NRG3: variants seen among roughly 807,000 people sequenced by gnomAD.
NRG3 encodes the protein pro-neuregulin-3, membrane-bound isoform.
Under a neutral mutation model 66.9 loss-of-function variants are expected in NRG3, and 31 were observed. The ratio of observed to expected loss-of-function variants is 0.46; its 90% confidence interval spans 0.35 to 0.63. The LOEUF (loss-of-function observed/expected upper bound fraction) is 0.63, where lower values mean the gene tolerates loss of function less well. Ranked by LOEUF, NRG3 falls within the 20% of genes least tolerant of loss-of-function variation. The pLI, the probability that NRG3 is intolerant of heterozygous loss-of-function variation, is 0.00. For missense variants in NRG3, 910 were observed against 878.9 expected (o/e 1.04, Z -0.45); for synonymous variants, 393 against 359.4 (o/e 1.09, Z -1.06).
chr10:81,899,429 C>T (rs549638190), intron 1 of NRG3, among the ~76,000 whole-genome samples: 6 of 152,332 alleles, frequency 3.9e-5, no homozygotes, highest in Non-Finnish European at 8.8e-5. Context: ...AAACCGGCAT[C>T]CCAGCAGGAT....
intron 7 of NRG3, among the ~76,000 whole-genome samples, chr10:82,975,453 AC>A (rs918053052): frequency 6.6e-6 from 1 of 152,128 alleles, no homozygotes; most frequent in African/African-American, 2.4e-5. Context: ...TCCCTCCTAA[AC>A]TTGGCTTCTC....
At chr10:82,914,798 G>C (rs946133738) in intron 4 of NRG3, among the ~76,000 whole-genome samples, 5 of 151,350 alleles carry the variant, frequency 3.3e-5, no homozygotes, top group African/African-American at 1.2e-4. Context: ...ACAAGCTAGA[G>C]AGGTTTCAAA....
At chr10:81,931,076 C>T (rs916196090) in intron 1 of NRG3, among the ~76,000 whole-genome samples, 7 of 152,104 alleles carry the variant, frequency 4.6e-5, no homozygotes, top group South Asian at 2.1e-4. Flanking sequence ...ATTCACCAAG[C>T]GGGAAGTTTC....
intron 2 of NRG3, among the ~76,000 whole-genome samples, chr10:82,669,964 T>G (rs2053133261): frequency 6.6e-6 from 1 of 151,680 alleles, no homozygotes; most frequent in Admixed American, 6.6e-5. Flanking sequence ...CTGCAACATG[T>G]GGCATCCTCC....
At chr10:82,536,209 A>G (rs937295300) in intron 2 of NRG3, among the ~76,000 whole-genome samples, 1 of 152,194 alleles carries the variant, frequency 6.6e-6, no homozygotes, top group East Asian at 1.9e-4. Flanking sequence ...CACTATTTTC[A>G]TGAAGTCTGG....
At position 82,132,468 on chromosome 10, in the gene NRG3, G is replaced by GATATATATGAT. The variant is rs1564593186; in HGVS notation, c.824-226263_824-226262insGATATATATAT. Among the ~76,000 whole-genome samples the GATATATATGAT allele has an allele frequency of 1.3e-4, 15 of 119,898 alleles. 1 individual carries two copies. In the East Asian group the frequency reaches 3.3e-3, roughly 26 times the overall value. 78.7% of individuals were successfully genotyped at this position (119,898 alleles called of 152,430 possible). On this transcript the variant is annotated intron_variant, in intron 1 of 8. Coordinates refer to ENST00000372141, the MANE Select transcript of NRG3 (RefSeq NM_001010848.4). ...TCTTTTATATATATATGATATATAT[G>GATATATATGAT]ATATATATATGATATATATATATGA...
chr10:82,647,979 C>A (rs1451158960), intron 2 of NRG3, among the ~76,000 whole-genome samples: 2 of 147,418 alleles, frequency 1.4e-5, no homozygotes, highest in African/African-American at 5.0e-5. Flanking sequence ...ATGGTAGTTT[C>A]TTTTGCTGTG....
At chr10:82,595,639 G>A (rs2133349776) in intron 2 of NRG3, among the ~76,000 whole-genome samples, 1 of 152,166 alleles carries the variant, frequency 6.6e-6, no homozygotes, top group African/African-American at 2.4e-5. Context: ...AAAAAGATTA[G>A]CCAGGCACGG....
At chr10:82,665,650 T>A (rs1286424969) in intron 2 of NRG3, among the ~76,000 whole-genome samples, 1 of 152,176 alleles carries the variant, frequency 6.6e-6, no homozygotes, top group Non-Finnish European at 1.5e-5. Flanking sequence ...ACCTTAACAT[T>A]TTCCTTTCTT....
intron 1 of NRG3, among the ~76,000 whole-genome samples, chr10:82,225,065 A>C (rs1191990257): frequency 1.3e-5 from 2 of 152,106 alleles, no homozygotes; most frequent in African/African-American, 2.4e-5. Context: ...ATGAACTTGC[A>C]GGAAAATTGT....
chr10:82,754,522 G>A (rs188655181), intron 3 of NRG3, among the ~76,000 whole-genome samples: 117 of 145,490 alleles, frequency 8.0e-4, no homozygotes, highest in African/African-American at 2.9e-3. Flanking sequence ...TAAAATAACA[G>A]AGAAAGGGGG....
intron 1 of NRG3, among the ~76,000 whole-genome samples, chr10:82,035,717 T>A (rs1488362235): frequency 6.6e-6 from 1 of 152,158 alleles, no homozygotes; most frequent in Non-Finnish European, 1.5e-5. Flanking sequence ...CTCTGGATTG[T>A]TTTTGTGGGA....
intron 3 of NRG3, among the ~76,000 whole-genome samples, chr10:82,777,159 C>G (rs1053997865): frequency 6.6e-6 from 1 of 152,048 alleles, no homozygotes; most frequent in African/African-American, 2.4e-5. Context: ...AGTGGTGTAG[C>G]CTTTGTGTAT....
chr10:82,080,580 C>T (rs2065335714), intron 1 of NRG3, among the ~76,000 whole-genome samples: 2 of 152,054 alleles, frequency 1.3e-5, no homozygotes, highest in South Asian at 4.2e-4. Context: ...CATCTCTTGC[C>T]AAATGTTTTG....
At chr10:81,997,459 T>G (rs1430863385) in intron 1 of NRG3, among the ~76,000 whole-genome samples, 3 of 152,216 alleles carry the variant, frequency 2.0e-5, no homozygotes, top group African/African-American at 7.2e-5. Flanking sequence ...ATAGTTGTTC[T>G]CCTTTTAACA....
intron 1 of NRG3, among the ~76,000 whole-genome samples, chr10:82,123,649 G>C (rs1392425526): frequency 6.6e-6 from 1 of 152,176 alleles, no homozygotes; most frequent in Non-Finnish European, 1.5e-5. Flanking sequence ...GAAGAATTCA[G>C]TTCATCCAAA....
intron 2 of NRG3, among the ~76,000 whole-genome samples, chr10:82,419,573 G>C (rs982112794): frequency 6.6e-6 from 1 of 152,106 alleles, no homozygotes; most frequent in African/African-American, 2.4e-5. Context: ...ACAACAAAAT[G>C]TGTGTGATTT....
At chr10:82,000,731 C>T (rs1013999741) in intron 1 of NRG3, among the ~76,000 whole-genome samples, 1 of 152,156 alleles carries the variant, frequency 6.6e-6, no homozygotes, top group Non-Finnish European at 1.5e-5. Flanking sequence ...AACCTTACGA[C>T]TGTAGCAAAT....
intron 2 of NRG3, among the ~76,000 whole-genome samples, chr10:82,681,880 C>T (rs912724298): frequency 1.3e-5 from 2 of 152,236 alleles, no homozygotes; most frequent in African/African-American, 2.4e-5. Flanking sequence ...TCTTCTAATA[C>T]ACCAGTGCTT....
Sources: gnomAD v4.1 joint callset for allele counts (sites outside exome capture counted in the v4.1 genomes callset) on GRCh38, gnomAD v4.1.1 for gene constraint, MANE v1.5 for transcripts, NCBI Gene and HGNC (gene_info 2026-07-23, HGNC 2026-07-21) for gene names.